The following BEND7 variants were observed in gnomAD, a reference collection of about 807,000 sequenced individuals.
The protein encoded by BEND7 is BEN domain containing 7.
Under a neutral mutation model 50.9 loss-of-function variants are expected in BEND7, and 28 were observed. That is an observed-to-expected ratio of 0.55 (90% CI 0.41 to 0.75). The LOEUF is 0.75. BEND7 is among the 30% of genes least tolerant of loss of function. The pLI is 0.00. For synonymous variants in BEND7, 170 were observed against 183.9 expected, an observed-to-expected ratio of 0.92 and a Z score of 0.61; for missense variants, 477 against 491.3, an observed-to-expected ratio of 0.97 and a Z score of 0.28.
Position 13,526,605 on chromosome 10 carries a change from A to G in BEND7, c.62-384T>C, listed in dbSNP as rs557281999. Among the ~76,000 whole-genome samples the G allele has an allele frequency of 3.9e-5, 6 of 152,326 alleles. No homozygotes were observed. The South Asian group carries it at 1.2e-3, about 32-fold the overall frequency. ...CCATTTTCACCAGCATATCAACAGT[A>G]TGCTTTAAAGTTTAGCCAGCACTCT... On this transcript the variant is annotated intron_variant, in intron 1 of 8. Transcript: ENST00000466271.
At chr10:13,489,829 C>T (rs940845530) in intron 5 of BEND7, among the ~76,000 whole-genome samples, 1 of 152,168 alleles carries the variant, frequency 6.6e-6, no homozygotes, top group Non-Finnish European at 1.5e-5. Context: ...AAGCTAAGTC[C>T]TAAACTTAAT....
intron 6 of BEND7, among the ~76,000 whole-genome samples, chr10:13,474,024 G>A (rs571792719): frequency 2.0e-5 from 3 of 151,852 alleles, no homozygotes; most frequent in Admixed American, 6.6e-5. Flanking sequence ...TGTTAAACTC[G>A]GGGCTGATAT....
chr10:13,527,805 C>T (rs11258437), intron 1 of BEND7: 507,484 of 973,796 alleles, frequency 0.52, 135,076 homozygotes, highest in East Asian at 0.87. Context: ...CCACTTTCCC[C>T]TCCCTGACAA....
intron 2 of BEND7, among the ~76,000 whole-genome samples, chr10:13,512,262 C>T (rs1040076545): frequency 2.6e-5 from 4 of 152,174 alleles, no homozygotes; most frequent in African/African-American, 9.7e-5. Context: ...TAGCGAGATC[C>T]TGTCTCTTAG....
At chr10:13,484,072 G>A (rs2076053648) in intron 5 of BEND7, among the ~76,000 whole-genome samples, 2 of 152,156 alleles carry the variant, frequency 1.3e-5, no homozygotes, top group Non-Finnish European at 2.9e-5. Context: ...CCAGATCAAG[G>A]AACATGAACT....
At position 13,527,719 on chromosome 10, in the gene BEND7, A is replaced by ATT. The variant is rs201024072; in HGVS notation, c.61+752_61+753dup. The ATT allele has an allele frequency of 1.5e-5, 7 of 455,418 alleles. No individual in the cohort carries two copies. The South Asian group carries it at 6.6e-4, about 43-fold the overall frequency. 28.2% of individuals were successfully genotyped at this position (455,418 alleles called of 1,614,324 possible). ...TTTTCACGATGGCTCTTGAGTTATC[A>ATT]TTTTTTTAAAAAAAAAAGTCAAATC... is the stretch of plus-strand genomic sequence containing the variant. On this transcript the variant is annotated intron_variant, in intron 1 of 8. Transcript: ENST00000466271.
Position 13,502,837 on chromosome 10 carries a change from A to G in BEND7, c.146-2757T>C, listed in dbSNP as rs192647183. ...CTCCCTGAACAGAGCAGCCATAGCC[A>G]GGCCACATGGGGCAGATACCCACCC... On this transcript the variant is annotated intron_variant, in intron 2 of 8. Coordinates refer to ENST00000466271, the MANE Select transcript of BEND7 (RefSeq NM_001369863.1). 2.0e-4 allele frequency: 190 copies of G among 927,112 alleles called. 1 individual carries two copies. Among genetic ancestry groups the G allele is most frequent in the African/African-American group, 1.1e-3 (59 of 56,024 alleles). 57.4% of individuals were successfully genotyped at this position (927,112 alleles called of 1,614,324 possible).
intron 5 of BEND7, among the ~76,000 whole-genome samples, chr10:13,487,904 C>T (rs914753814): frequency 3.3e-5 from 5 of 151,738 alleles, no homozygotes; most frequent in African/African-American, 1.2e-4. Flanking sequence ...ACCAGCCTGG[C>T]CAACCTGGTG....
intron 6 of BEND7, among the ~76,000 whole-genome samples, chr10:13,455,666 T>C (rs920383989): frequency 1.3e-5 from 2 of 152,066 alleles, no homozygotes; most frequent in Non-Finnish European, 2.9e-5. Flanking sequence ...GGGTTGGGGC[T>C]GATGAATCTG....
chr10:13,448,453 T>C (rs1405539315), intron 7 of BEND7, among the ~76,000 whole-genome samples: 6 of 152,214 alleles, frequency 3.9e-5, no homozygotes, highest in Non-Finnish European at 7.4e-5. Context: ...GTTGTAACAC[T>C]GAGTCAGAAG....
intron 8 of BEND7, chr10:13,442,078 T>A: frequency 3.1e-6 from 1 of 325,342 alleles, no homozygotes; most frequent in Non-Finnish European, 5.7e-6. Flanking sequence ...TGATGTGACA[T>A]GAATACCTTG....
chr10:13,480,805 C>T (rs1358635829), intron 6 of BEND7, 94 bp downstream of exon 6: 11 of 1,555,774 alleles, frequency 7.1e-6, no homozygotes, highest in Non-Finnish European at 9.6e-6. Flanking sequence ...ATGAAACTGG[C>T]CACTAGTCAG....
intron 2 of BEND7, among the ~76,000 whole-genome samples, chr10:13,518,241 T>C (rs2078835958): frequency 6.6e-6 from 1 of 152,154 alleles, no homozygotes; most frequent in African/African-American, 2.4e-5. Flanking sequence ...CAGAAAGAGG[T>C]GGCTTTTCCC....
At chr10:13,452,826 G>C (rs897458567) in intron 6 of BEND7, among the ~76,000 whole-genome samples, 168 bp from the exon 7 acceptor site, 35 of 152,212 alleles carry the variant, frequency 2.3e-4, no homozygotes, top group African/African-American at 5.5e-4. Flanking sequence ...GATGGAGATT[G>C]ACAGGTCCTG....
chr10:13,507,251 C>T lies in BEND7; in HGVS notation c.146-7171G>A, dbSNP rs551273607. On this transcript the variant is annotated intron_variant, in intron 2 of 8. Transcript: ENST00000466271. ...AGCTGGTAAAGTGAGTCAAACCTAT[C>T]CCTCCAGAATTCCCAACCCCTGAGG... 3.3e-5 allele frequency among the ~76,000 whole-genome samples: 5 copies of T among 152,244 alleles called. No homozygotes were observed. The South Asian group carries it at 1.0e-3, about 32-fold the overall frequency.
At chr10:13,459,762 G>C (rs1327226005) in intron 6 of BEND7, 2 of 152,234 alleles carry the variant, frequency 1.3e-5, no homozygotes, top group African/African-American at 2.4e-5. Flanking sequence ...AGAGGTGAAG[G>C]ATTCTCTTTC....
chr10:13,493,805 TA>T (rs2076842736), intron 4 of BEND7, among the ~76,000 whole-genome samples: 1 of 152,214 alleles, frequency 6.6e-6, no homozygotes, highest in African/African-American at 2.4e-5. Context: ...AATCCTCAAG[TA>T]TTAATATAGC....
downstream of BEND7, chr10:13,439,045 A>C (rs1835040873): frequency 1.1e-6 from 1 of 914,990 alleles, no homozygotes; most frequent in African/African-American, 1.7e-5. Context: ...TTGCTGGGCA[A>C]AGGGGAGAGA....
At chr10:13,469,146 C>T (rs2074547394) in intron 6 of BEND7, among the ~76,000 whole-genome samples, 1 of 152,186 alleles carries the variant, frequency 6.6e-6, no homozygotes, top group African/African-American at 2.4e-5. Flanking sequence ...TGGATTTACT[C>T]TGTCATCCAA....
Sources: allele counts gnomAD v4.1 joint callset (sites outside exome capture counted in the v4.1 genomes callset), GRCh38; gene constraint gnomAD v4.1.1; transcripts MANE v1.5; gene names NCBI Gene and HGNC (gene_info 2026-07-23, HGNC 2026-07-21).